EHF: variants seen among roughly 807,000 people sequenced by gnomAD.
EHF encodes ETS homologous factor, also known as ESE3 transcription factor.
Under a neutral mutation model 45.1 loss-of-function variants are expected in EHF, and 14 were observed. The observed-to-expected ratio is 0.31, with a 90% CI of 0.21 to 0.49. EHF has a LOEUF of 0.49. Ranked by LOEUF, EHF falls within the 20% of genes least tolerant of loss-of-function variation. The pLI is 0.99. For synonymous variants in EHF, 136 were observed against 131.8 expected, an observed-to-expected ratio of 1.03 and a Z score of -0.22; for missense variants, 282 against 371.4, an observed-to-expected ratio of 0.76 and a Z score of 1.98.
In EHF at chr11:34,642,816, T is replaced by C. The variant is rs115122250; in HGVS notation, c.97+89T>C. 7.3e-3 allele frequency: 7,029 copies of C among 969,084 alleles called. 297 individuals carry two copies. The African/African-American group carries it at 0.095, about 13-fold the overall frequency. The allele number at this position is 969,084 out of a possible 1,614,324, so 60.0% of individuals were successfully genotyped here. Reference sequence around the variant, plus strand: ...CTCACAACCTAATGTTTGAAAAATATAGGCTTTACAGCAGAAGATGTGGGA... The same window carrying C: ...CTCACAACCTAATGTTTGAAAAATACAGGCTTTACAGCAGAAGATGTGGGA... On this transcript the variant is annotated intron_variant, in intron 2 of 8. Transcript: ENST00000257831.
intron 1 of EHF, among the ~76,000 whole-genome samples, chr11:34,640,082 C>T (rs1853836348): frequency 6.6e-6 from 1 of 151,468 alleles, no homozygotes; most frequent in South Asian, 2.1e-4. Context: ...TTGATTCTTA[C>T]AGCCCTTTGA....
At chr11:34,627,070 G>T (rs922625891) in intron 1 of EHF, among the ~76,000 whole-genome samples, 5 of 151,908 alleles carry the variant, frequency 3.3e-5, no homozygotes, top group Admixed American at 2.6e-4. Flanking sequence ...GTGAGTTTCT[G>T]TTGGGTCAGA....
intron 1 of EHF, 53 bp from the exon 2 acceptor site, chr11:34,642,575 A>G (rs927331369): frequency 4.4e-6 from 5 of 1,148,112 alleles, no homozygotes; most frequent in Middle Eastern, 1.9e-4. Flanking sequence ...GCACTTTCCA[A>G]TGACATTTGT....
chr11:34,625,352 G>A (rs940308506), intron 1 of EHF, among the ~76,000 whole-genome samples: 1 of 152,244 alleles, frequency 6.6e-6, no homozygotes, highest in Admixed American at 6.5e-5. Flanking sequence ...CCTATGCACA[G>A]GGGCAGGTGC....
chr11:34,633,222 A>G (rs1590430272), intron 1 of EHF, among the ~76,000 whole-genome samples: 1 of 152,192 alleles, frequency 6.6e-6, no homozygotes, highest in East Asian at 1.9e-4. Context: ...TATTAATAGA[A>G]CTAAGCAATT....
At chr11:34,645,468 G>T (rs1046554397) in intron 2 of EHF, among the ~76,000 whole-genome samples, 2 of 152,094 alleles carry the variant, frequency 1.3e-5, no homozygotes, top group African/African-American at 2.4e-5. Context: ...TCATTTTTTA[G>T]GTGATACAAA....
Position 34,642,672 on chromosome 11 carries a change from C to A in EHF, c.42C>A (p.Gly14=). 1 of 1,614,050 alleles carries A rather than the reference C, an allele frequency of 6.2e-7. No homozygotes were observed. Residue 14 remains glycine, a synonymous_variant, in exon 2 of 9, where the codon GGC becomes GGA. Coordinates refer to ENST00000257831, the MANE Select transcript of EHF (RefSeq NM_012153.6). ...EGGGVMNLNP[G]NNLLHQPPAW... ...GTGGTGTAATGAATCTCAACCCCGG[C>A]AACAACCTCCTTCACCAGCCGCCAG... is the stretch of plus-strand genomic sequence containing the variant.
At chr11:34,636,851 G>T (rs1027371932) in intron 1 of EHF, among the ~76,000 whole-genome samples, 13 of 152,128 alleles carry the variant, frequency 8.5e-5, no homozygotes, top group Non-Finnish European at 1.6e-4. Context: ...TCAACATGGA[G>T]AAACCCAGTC....
intron 3 of EHF, 44 bp from the exon 4 acceptor site, chr11:34,648,975 C>T: frequency 6.3e-7 from 1 of 1,585,756 alleles, no homozygotes; most frequent in East Asian, 2.2e-5. Context: ...CCAGTTCTGG[C>T]TCCATCTGGG....
At position 34,660,817 on chromosome 11, in the gene EHF, G is replaced by A. The variant is rs1366669722; in HGVS notation, c.*1886G>A. The A allele has an allele frequency of 6.6e-6, 1 of 152,130 alleles. No individual in the cohort carries two copies. Among genetic ancestry groups the A allele is most frequent in the Non-Finnish European group, 1.5e-5 (1 of 68,018 alleles). The allele number at this position is 152,130 out of a possible 1,614,324, so 9.4% of individuals were successfully genotyped here. A position where few individuals can be genotyped will look rare whatever the true frequency, so the allele number is the denominator to read the frequency against. ...CCACAGTGTCATACCTGGTAGAGGT[G>A]AGCAATTCATATTCAAAGGTTGCAA... On this transcript the variant is annotated 3_prime_UTR_variant, in exon 9 of 9. Coordinates refer to ENST00000257831, the MANE Select transcript of EHF (RefSeq NM_012153.6).
At chr11:34,629,621 T>G (rs1008574979) in intron 1 of EHF, among the ~76,000 whole-genome samples, 18 of 152,352 alleles carry the variant, frequency 1.2e-4, no homozygotes, top group African/African-American at 4.1e-4. Flanking sequence ...TTATAGACTG[T>G]TCCAAAATTC....
At chr11:34,621,589 G>A (rs1404417389) in intron 1 of EHF, among the ~76,000 whole-genome samples, 1 of 152,216 alleles carries the variant, frequency 6.6e-6, no homozygotes, top group Non-Finnish European at 1.5e-5. Flanking sequence ...ATAGCTCAGA[G>A]AAGAAGTGGT....
intron 2 of EHF, among the ~76,000 whole-genome samples, chr11:34,644,913 A>T (rs749625149): frequency 6.6e-6 from 1 of 152,224 alleles, no homozygotes; most frequent in African/African-American, 2.4e-5. Flanking sequence ...TTTGAGAAGA[A>T]CTGATCTGGC....
At chr11:34,654,326 C>A (rs1855477445) in intron 6 of EHF, among the ~76,000 whole-genome samples, 1 of 152,122 alleles carries the variant, frequency 6.6e-6, no homozygotes, top group East Asian at 1.9e-4. Flanking sequence ...AATCACTTAA[C>A]CACATGGCTA....
rs529659571 is a variant in EHF, at chr11:34,624,829, G to T, written c.-4+3601G>T. Among the ~76,000 whole-genome samples, 12 of 152,328 alleles carry T rather than the reference G, an allele frequency of 7.9e-5. No individual in the cohort carries two copies. The East Asian group carries it at 2.3e-3, about 29-fold the overall frequency. ...CCAGCTTTGGAGTGATGGGAGCACA[G>T]TGCAGGGAAGGCGGGATGTGAGGTG... On this transcript the variant is annotated intron_variant, in intron 1 of 8. Coordinates refer to ENST00000257831, the MANE Select transcript of EHF (RefSeq NM_012153.6).
At chr11:34,628,755 G>T (rs1210815627) in intron 1 of EHF, among the ~76,000 whole-genome samples, 1 of 152,172 alleles carries the variant, frequency 6.6e-6, no homozygotes, top group Non-Finnish European at 1.5e-5. Flanking sequence ...AGACAGAAGA[G>T]ATCCCCTGCC....
intron 1 of EHF, among the ~76,000 whole-genome samples, chr11:34,637,258 T>C (rs867856263): frequency 1.3e-5 from 2 of 152,090 alleles, no homozygotes; most frequent in Non-Finnish European, 2.9e-5. Flanking sequence ...CCTTCATGGG[T>C]CCAGGCTGTG....
At chr11:34,642,966 G>A (rs1237643319) in intron 2 of EHF, among the ~76,000 whole-genome samples, 2 of 152,104 alleles carry the variant, frequency 1.3e-5, no homozygotes, top group African/African-American at 4.8e-5. Context: ...TGACAGCCTG[G>A]CAGTGAAGGG....
At chr11:34,645,371 C>T (rs1854413961) in intron 2 of EHF, among the ~76,000 whole-genome samples, 1 of 152,114 alleles carries the variant, frequency 6.6e-6, no homozygotes, top group Non-Finnish European at 1.5e-5. Context: ...CTCCCAACTC[C>T]TCAGATGCCT....
Sources: allele counts gnomAD v4.1 joint callset (sites outside exome capture counted in the v4.1 genomes callset), GRCh38; gene constraint gnomAD v4.1.1; transcripts MANE v1.5; gene names NCBI Gene and HGNC (gene_info 2026-07-23, HGNC 2026-07-21).